The following ZNF737 variants were observed in gnomAD, a reference collection of about 807,000 sequenced individuals.
The protein encoded by ZNF737 is zinc finger protein 737.
ZNF737 carries 13 observed loss-of-function variants against 11.7 expected under a neutral mutation model. That is an observed-to-expected ratio of 1.11 (90% CI 0.73 to 1.77). The LOEUF is 1.77. ZNF737 is among the 40% of genes most tolerant of loss of function. The pLI is 0.00. For missense variants in ZNF737, 636 were observed against 638.0 expected (o/e 1.00, Z 0.03); for synonymous variants, 217 against 216.2 (o/e 1.00, Z -0.03).
At position 20,541,482 on chromosome 19, in the gene ZNF737, T is replaced by C. The variant is rs1968204598; in HGVS notation, c.*3110A>G. The C allele has an allele frequency of 2.3e-6, 2 of 865,108 alleles. No homozygotes were observed. Among genetic ancestry groups the C allele is most frequent in the Non-Finnish European group, 2.8e-6 (2 of 720,596 alleles). The allele number at this position is 865,108 out of a possible 1,614,324, so 53.6% of individuals were successfully genotyped here. Reference sequence around the variant, plus strand: ...TATTTTTTGAGATGGAGACTCACTCTGTCAGCCAGGCTGGAGTGCAGTGGC... The same window carrying C: ...TATTTTTTGAGATGGAGACTCACTCCGTCAGCCAGGCTGGAGTGCAGTGGC... On this transcript the variant is annotated 3_prime_UTR_variant, in exon 4 of 4. Coordinates refer to ENST00000427401, the MANE Select transcript of ZNF737 (RefSeq NM_001159293.2).
rs1968345284 is a variant in ZNF737, at chr19:20,544,481, A to G, written c.*111T>C. 6.6e-7 allele frequency: 1 copy of G among 1,519,462 alleles called. No homozygotes were observed. The highest frequency in any genetic ancestry group is 1.4e-5 in the African/African-American group (1 of 71,716). 94.1% of individuals were successfully genotyped at this position (1,519,462 alleles called of 1,614,324 possible). On this transcript the variant is annotated 3_prime_UTR_variant, in exon 4 of 4. Transcript: ENST00000427401. ...ATGTCTACTAAGGTTTGAGGATGAAATAAAGGCTTTGCCACATTTATCACA... is the reference window on the plus strand; with the variant it reads ...ATGTCTACTAAGGTTTGAGGATGAAGTAAAGGCTTTGCCACATTTATCACA...
rs571303072 is a variant in ZNF737, at chr19:20,543,723, A to T, written c.*869T>A. On this transcript the variant is annotated 3_prime_UTR_variant, in exon 4 of 4. Transcript: ENST00000427401. ...TATATTTCTAGGGTTTCACACTAGT[A>T]TAATTATTGTTATGTGTAGAGAAGT... The T allele has an allele frequency of 8.7e-5, 86 of 985,292 alleles. No individual in the cohort carries two copies. The highest frequency in any genetic ancestry group is 1.0e-4 in the Non-Finnish European group (85 of 829,908). The allele number at this position is 985,292 out of a possible 1,614,324, so 61.0% of individuals were successfully genotyped here. A position where few individuals can be genotyped will look rare whatever the true frequency, so the allele number is the denominator to read the frequency against.
In ZNF737 at chr19:20,541,315, AAT is replaced by A. The variant is rs138935825; in HGVS notation, c.*3275_*3276del. On this transcript the variant is annotated 3_prime_UTR_variant, in exon 4 of 4. Coordinates refer to ENST00000427401, the MANE Select transcript of ZNF737 (RefSeq NM_001159293.2). ...TACACCTCAGGTTTATCTTCAGAGTAATATGTGTATATTTAACTCTATGTAAA... is the reference window on the plus strand; with the variant it reads ...TACACCTCAGGTTTATCTTCAGAGTAATGTGTATATTTAACTCTATGTAAA... 53,807 of 982,742 alleles carry A rather than the reference AAT, an allele frequency of 0.055. 1,634 individuals carry two copies. Among genetic ancestry groups the A allele is most frequent in the Middle Eastern group, 0.13 (247 of 1,904 alleles). The allele number at this position is 982,742 out of a possible 1,614,324, so 60.9% of individuals were successfully genotyped here.
At chr19:20,550,115 C>G (rs12460713) in intron 3 of ZNF737, among the ~76,000 whole-genome samples, 61,711 of 151,814 alleles carry the variant, frequency 0.41, 12,733 homozygotes, top group Admixed American at 0.48. Flanking sequence ...GAAACTAGTT[C>G]CTTTTAATGT....
rs1449490770 is a variant in ZNF737, at chr19:20,543,323, C to G, written c.*1269G>C. ...ATTTTCCTCCAGTACAAAATGTGTGCAATAAGATCTGTGATACTAGTAAAT... is the reference window on the plus strand; with the variant it reads ...ATTTTCCTCCAGTACAAAATGTGTGGAATAAGATCTGTGATACTAGTAAAT... On this transcript the variant is annotated 3_prime_UTR_variant, in exon 4 of 4. Coordinates refer to ENST00000427401, the MANE Select transcript of ZNF737 (RefSeq NM_001159293.2). 1 of 985,844 alleles carries G rather than the reference C, an allele frequency of 1.0e-6. No individual in the cohort carries two copies. The highest frequency in any genetic ancestry group is 1.2e-6 in the Non-Finnish European group (1 of 829,838). The allele number at this position is 985,844 out of a possible 1,614,324, so 61.1% of individuals were successfully genotyped here.
At chr19:20,553,975 C>G (rs1968792172) in intron 1 of ZNF737, 140 bp from the exon 2 acceptor site, 2 of 1,012,140 alleles carry the variant, frequency 2.0e-6, no homozygotes, top group Non-Finnish European at 2.8e-6. Context: ...AAATAACTTT[C>G]AACACAGAAA....
intron 3 of ZNF737, among the ~76,000 whole-genome samples, chr19:20,549,453 C>A (rs1555757870): frequency 6.6e-6 from 1 of 152,052 alleles, no homozygotes; most frequent in Admixed American, 6.5e-5. Flanking sequence ...TATAGTGAAA[C>A]CCCATCTCTG....
chr19:20,549,804 C>T (rs1968599524), intron 3 of ZNF737, among the ~76,000 whole-genome samples: 1 of 151,676 alleles, frequency 6.6e-6, no homozygotes, highest in Non-Finnish European at 1.5e-5. Context: ...GTGACACACG[C>T]CTGTAATCCC....
rs1555758867 is a variant in ZNF737 at position 20,552,589 on chromosome 19, A to G, written c.131-19T>C. On this transcript the variant is annotated intron_variant, in intron 2 of 3. Coordinates refer to ENST00000427401, the MANE Select transcript of ZNF737 (RefSeq NM_001159293.2). Reference sequence around the variant, plus strand: ...ACAATACCTGTTTTATTAAAAATAAATAACATGAATCTTGCTCATATTCTC... The same window carrying G: ...ACAATACCTGTTTTATTAAAAATAAGTAACATGAATCTTGCTCATATTCTC... The G allele has an allele frequency of 6.5e-7, 1 of 1,534,436 alleles. No homozygotes were observed. Among genetic ancestry groups the G allele is most frequent in the East Asian group, 2.4e-5 (1 of 42,504 alleles).
intron 1 of ZNF737, among the ~76,000 whole-genome samples, chr19:20,558,313 T>C (rs1968965307): frequency 6.6e-6 from 1 of 151,838 alleles, no homozygotes; most frequent in African/African-American, 2.4e-5. Context: ...TAACAATTCT[T>C]CTGTTCATAA....
chr19:20,561,628 C>T lies in ZNF737; in HGVS notation c.3+4010G>A, dbSNP rs529402918. On this transcript the variant is annotated intron_variant, in intron 1 of 3. Coordinates refer to ENST00000427401, the MANE Select transcript of ZNF737 (RefSeq NM_001159293.2). ...TTCTGTGATATCTTTTTCCTGGCACCAAATCTGTAGAGTTTGCTGAACATT... is the reference window on the plus strand; with the variant it reads ...TTCTGTGATATCTTTTTCCTGGCACTAAATCTGTAGAGTTTGCTGAACATT... Among the ~76,000 whole-genome samples, 5 of 151,932 alleles carry T rather than the reference C, an allele frequency of 3.3e-5. No homozygotes were observed. The South Asian group carries it at 6.3e-4, about 19-fold the overall frequency.
chr19:20,537,677 C>T (rs558180555), downstream of ZNF737, among the ~76,000 whole-genome samples: 147 of 148,812 alleles, frequency 9.9e-4, no homozygotes, highest in African/African-American at 3.4e-3. Flanking sequence ...CCACTATGCC[C>T]GGCTAATTTT....
Position 20,564,630 on chromosome 19 carries a change from G to A in ZNF737, c.3+1008C>T, listed in dbSNP as rs557544120. On this transcript the variant is annotated intron_variant, in intron 1 of 3. Coordinates refer to ENST00000427401, the MANE Select transcript of ZNF737 (RefSeq NM_001159293.2). ...TCTGACACTGCACTCCAGCTCTGGCGACAGAGCGAGACTCCGTCTCAAAAA... is the reference window on the plus strand; with the variant it reads ...TCTGACACTGCACTCCAGCTCTGGCAACAGAGCGAGACTCCGTCTCAAAAA... 6.4e-4 allele frequency among the ~76,000 whole-genome samples: 96 copies of A among 149,498 alleles called. 1 individual carries two copies. The highest frequency in any genetic ancestry group is 1.3e-3 in the Non-Finnish European group (85 of 67,642).
At chr19:20,557,383 G>C (rs1283673750) in intron 1 of ZNF737, among the ~76,000 whole-genome samples, 2 of 151,408 alleles carry the variant, frequency 1.3e-5, no homozygotes, top group Non-Finnish European at 2.9e-5. Flanking sequence ...CAAAAAGGGT[G>C]AATCTGAACA....
chr19:20,541,222 A>G lies in ZNF737; in HGVS notation c.*3370T>C. 1 of 983,714 alleles carries G rather than the reference A, an allele frequency of 1.0e-6. No individual in the cohort carries two copies. The highest frequency in any genetic ancestry group is 1.2e-6 in the Non-Finnish European group (1 of 828,390). The allele number at this position is 983,714 out of a possible 1,614,324, so 60.9% of individuals were successfully genotyped here. ...ATAACATAATTTGTTTTGTTGCAGT[A>G]ATTGCTTTTATTCTGAAAATATGTA... On this transcript the variant is annotated 3_prime_UTR_variant, in exon 4 of 4. Transcript: ENST00000427401.
downstream of ZNF737, among the ~76,000 whole-genome samples, chr19:20,533,190 C>T (rs1555753195): frequency 6.7e-6 from 1 of 150,026 alleles, no homozygotes; most frequent in Non-Finnish European, 1.5e-5. Flanking sequence ...CAACAAAGCC[C>T]AGTGCTTCCT....
downstream of ZNF737, among the ~76,000 whole-genome samples, chr19:20,531,461 GT>G (rs1426615012): frequency 2.3e-4 from 24 of 105,244 alleles, 1 homozygote; most frequent in Admixed American, 2.0e-3. Context: ...TTGTTAGTTT[GT>G]TTTGTTTTGT....
Position 20,543,289 on chromosome 19 carries a change from T to C in ZNF737, c.*1303A>G. ...CTGATGTTGAACAAACTTGAGCAACTGCTTTAGGATTTTCCTCCAGTACAA... is the reference window on the plus strand; with the variant it reads ...CTGATGTTGAACAAACTTGAGCAACCGCTTTAGGATTTTCCTCCAGTACAA... On this transcript the variant is annotated 3_prime_UTR_variant, in exon 4 of 4. Coordinates refer to ENST00000427401, the MANE Select transcript of ZNF737 (RefSeq NM_001159293.2). 1 of 985,614 alleles carries C rather than the reference T, an allele frequency of 1.0e-6. No individual in the cohort carries two copies. Among genetic ancestry groups the C allele is most frequent in the Non-Finnish European group, 1.2e-6 (1 of 829,904 alleles). The allele number at this position is 985,614 out of a possible 1,614,324, so 61.1% of individuals were successfully genotyped here. A position where few individuals can be genotyped will look rare whatever the true frequency, so the allele number is the denominator to read the frequency against.
At chr19:20,555,857 A>G (rs1313065207) in intron 1 of ZNF737, among the ~76,000 whole-genome samples, 2 of 150,590 alleles carry the variant, frequency 1.3e-5, no homozygotes, top group African/African-American at 4.9e-5. Context: ...CTCCTCCTTC[A>G]CTGGAATTCC....
Sources: gnomAD v4.1 joint callset for allele counts (sites outside exome capture counted in the v4.1 genomes callset) on GRCh38, gnomAD v4.1.1 for gene constraint, MANE v1.5 for transcripts, NCBI Gene and HGNC (gene_info 2026-07-23, HGNC 2026-07-21) for gene names.